MACROD2: variants seen among roughly 807,000 people sequenced by gnomAD.
The protein encoded by MACROD2 is mono-ADP ribosylhydrolase 2, also known as ADP-ribose glycohydrolase MACROD2.
MACROD2 carries 36 observed loss-of-function variants against 70.4 expected under a neutral mutation model. That is an observed-to-expected ratio of 0.51 (90% CI 0.39 to 0.68). The LOEUF (loss-of-function observed/expected upper bound fraction) is 0.68. MACROD2 is among the 30% of genes least tolerant of loss of function. The pLI is 0.00. For missense variants in MACROD2, 496 were observed against 538.4 expected, an observed-to-expected ratio of 0.92 and a Z score of 0.78; for synonymous variants, 172 against 178.8, an observed-to-expected ratio of 0.96 and a Z score of 0.30.
intron 5 of MACROD2, among the ~76,000 whole-genome samples, chr20:14,909,668 A>C (rs1218926671): frequency 6.6e-6 from 1 of 152,046 alleles, no homozygotes; most frequent in South Asian, 2.1e-4. Context: ...TTTTGTAATA[A>C]ACCTTCCAGT....
intron 3 of MACROD2, among the ~76,000 whole-genome samples, chr20:14,223,816 G>A (rs2081705917): frequency 6.6e-6 from 1 of 152,118 alleles, no homozygotes; most frequent in South Asian, 2.1e-4. Context: ...CTTCATATTG[G>A]GACTGTATTA....
intron 4 of MACROD2, among the ~76,000 whole-genome samples, chr20:14,592,898 T>C (rs909833607): frequency 6.6e-6 from 1 of 152,194 alleles, no homozygotes; most frequent in Non-Finnish European, 1.5e-5. Context: ...TGTGTGATCC[T>C]AAAACATTAC....
At chr20:15,132,100 G>A (rs543620030) in intron 5 of MACROD2, among the ~76,000 whole-genome samples, 1 of 151,866 alleles carries the variant, frequency 6.6e-6, no homozygotes, top group Non-Finnish European at 1.5e-5. Flanking sequence ...TTAAATCCAA[G>A]CCAAGAAAAG....
At chr20:14,848,208 G>A (rs2073162797) in intron 5 of MACROD2, among the ~76,000 whole-genome samples, 2 of 152,142 alleles carry the variant, frequency 1.3e-5, no homozygotes, top group Non-Finnish European at 2.9e-5. Flanking sequence ...CTACAACACT[G>A]TACTCATTCA....
intron 2 of MACROD2, among the ~76,000 whole-genome samples, chr20:14,015,980 G>T (rs2052984660): frequency 6.6e-6 from 1 of 152,050 alleles, no homozygotes; most frequent in Non-Finnish European, 1.5e-5. Context: ...ATTATTTTGG[G>T]TATTAACTAA....
chr20:15,831,334 TA>T (rs1391344749), intron 8 of MACROD2, among the ~76,000 whole-genome samples: 24 of 152,160 alleles, frequency 1.6e-4, no homozygotes, highest in Admixed American at 1.6e-3. Flanking sequence ...CAGGTGCAGC[TA>T]AAGGCATTTT....
chr20:14,272,288 C>T (rs565217686), intron 3 of MACROD2, among the ~76,000 whole-genome samples: 2,400 of 152,204 alleles, frequency 0.016, 26 homozygotes, highest in African/African-American at 0.027. Flanking sequence ...AGACTAACAG[C>T]TGATCTCTCG....
At chr20:15,035,302 G>T (rs920853252) in intron 5 of MACROD2, among the ~76,000 whole-genome samples, 5 of 152,126 alleles carry the variant, frequency 3.3e-5, no homozygotes, top group African/African-American at 9.7e-5. Flanking sequence ...TACTCAGGAG[G>T]TTGAGGTGGG....
At chr20:14,478,017 A>G (rs1568630926) in intron 3 of MACROD2, among the ~76,000 whole-genome samples, 2 of 152,178 alleles carry the variant, frequency 1.3e-5, no homozygotes, top group Non-Finnish European at 2.9e-5. Context: ...GTTGAAGGGT[A>G]GGTACCCTAG....
chr20:15,508,431 G>C (rs2047455925), intron 8 of MACROD2, among the ~76,000 whole-genome samples: 2 of 152,126 alleles, frequency 1.3e-5, no homozygotes, highest in South Asian at 4.1e-4. Context: ...GAGTTAAAGA[G>C]GGAAGAAAGA....
intron 3 of MACROD2, among the ~76,000 whole-genome samples, chr20:14,316,936 A>G (rs941989240): frequency 6.6e-6 from 1 of 151,824 alleles, no homozygotes; most frequent in Non-Finnish European, 1.5e-5. Context: ...TCCACCCCCT[A>G]TCTTCCCCTT....
intron 8 of MACROD2, among the ~76,000 whole-genome samples, chr20:15,844,625 AAGGG>A (rs2064209882): frequency 6.6e-6 from 1 of 152,130 alleles, no homozygotes; most frequent in South Asian, 2.1e-4. Flanking sequence ...ACTATTTATG[AAGGG>A]TCTTATCTTT....
intron 8 of MACROD2, among the ~76,000 whole-genome samples, chr20:15,838,767 A>T (rs1387804420): frequency 6.6e-6 from 1 of 152,216 alleles, no homozygotes; most frequent in Non-Finnish European, 1.5e-5. Context: ...GTTCTGATAT[A>T]AGACAGACTG....
At chr20:14,232,537 G>T (rs1016862836) in intron 3 of MACROD2, among the ~76,000 whole-genome samples, 1 of 152,192 alleles carries the variant, frequency 6.6e-6, no homozygotes, top group Non-Finnish European at 1.5e-5. Context: ...TATGGAGATG[G>T]CTTCTTTCCT....
At chr20:14,690,001 A>T (rs1041865067) in intron 5 of MACROD2, among the ~76,000 whole-genome samples, 2 of 144,718 alleles carry the variant, frequency 1.4e-5, no homozygotes, top group African/African-American at 5.0e-5. Flanking sequence ...TTGTGTTTTT[A>T]AAAAACATAT....
chr20:14,604,704 A>G (rs1316334554), intron 4 of MACROD2, among the ~76,000 whole-genome samples: 2 of 152,132 alleles, frequency 1.3e-5, no homozygotes, highest in African/African-American at 4.8e-5. Flanking sequence ...ATCCATCTTG[A>G]TAGGTCTCCC....
chr20:14,159,905 T>G (rs999446357), intron 3 of MACROD2, among the ~76,000 whole-genome samples: 4 of 152,182 alleles, frequency 2.6e-5, no homozygotes, highest in African/African-American at 9.7e-5. Flanking sequence ...CTTCTATGCC[T>G]AGTTTGCTGA....
intron 6 of MACROD2, among the ~76,000 whole-genome samples, chr20:15,403,062 G>C (rs2045951120): frequency 6.6e-6 from 1 of 152,030 alleles, no homozygotes; most frequent in African/African-American, 2.4e-5. Flanking sequence ...CACCTCCTGG[G>C]TTCAAGCGAT....
intron 3 of MACROD2, among the ~76,000 whole-genome samples, chr20:14,261,655 G>A (rs1366553706): frequency 2.0e-5 from 3 of 152,088 alleles, no homozygotes; most frequent in South Asian, 2.1e-4. Context: ...GAATGAGAAC[G>A]TTATATATGC....
Sources: gnomAD v4.1 joint callset for allele counts (sites outside exome capture counted in the v4.1 genomes callset) on GRCh38, gnomAD v4.1.1 for gene constraint, MANE v1.5 for transcripts, NCBI Gene and HGNC (gene_info 2026-07-23, HGNC 2026-07-21) for gene names.